The following GALNT10 variants were observed in gnomAD, a reference collection of about 807,000 sequenced individuals.
GALNT10 encodes polypeptide N-acetylgalactosaminyltransferase 10, also known as GalNAc transferase 10.
Under a neutral mutation model 75.0 loss-of-function variants are expected in GALNT10, and 41 were observed. The observed-to-expected ratio is 0.55, with a 90% CI of 0.43 to 0.71. The LOEUF (loss-of-function observed/expected upper bound fraction) is 0.71. GALNT10 is among the 30% of genes least tolerant of loss of function. The probability of loss-of-function intolerance (pLI) is 0.00; values close to 1 mark genes in which losing one functional copy is unlikely to be tolerated. For synonymous variants in GALNT10, 302 were observed against 313.0 expected, an observed-to-expected ratio of 0.96 and a Z score of 0.37; for missense variants, 727 against 818.5, an observed-to-expected ratio of 0.89 and a Z score of 1.36.
chr5:154,196,371 A>G lies in GALNT10; in HGVS notation c.159+5346A>G, dbSNP rs1047920943. Among the ~76,000 whole-genome samples the G allele has an allele frequency of 2.0e-5, 3 of 152,226 alleles. No homozygotes were observed. In the South Asian group the frequency reaches 6.2e-4, roughly 32 times the overall value. ...AGAACTTGAGCCTAAGAACCACCTCAGATTCTCTATCAGTTGCAAGTAACA... is the reference window on the plus strand; with the variant it reads ...AGAACTTGAGCCTAAGAACCACCTCGGATTCTCTATCAGTTGCAAGTAACA... On this transcript the variant is annotated intron_variant, in intron 1 of 11. Coordinates refer to ENST00000297107, the MANE Select transcript of GALNT10 (RefSeq NM_198321.4).
chr5:154,335,816 A>T (rs1259845529), intron 4 of GALNT10, among the ~76,000 whole-genome samples: 1 of 152,204 alleles, frequency 6.6e-6, no homozygotes, highest in African/African-American at 2.4e-5. Flanking sequence ...CTGAACCCAC[A>T]TCAATACATC....
intron 3 of GALNT10, among the ~76,000 whole-genome samples, chr5:154,310,182 T>A (rs1754492131): frequency 6.6e-6 from 1 of 152,182 alleles, no homozygotes; most frequent in South Asian, 2.1e-4. Context: ...TATTTAGTAC[T>A]TATTAGCAGT....
chr5:154,296,021 G>C (rs1754266697), intron 2 of GALNT10, among the ~76,000 whole-genome samples: 1 of 152,162 alleles, frequency 6.6e-6, no homozygotes, highest in South Asian at 2.1e-4. Context: ...CTGATGATAA[G>C]AGAAATCTGG....
intron 2 of GALNT10, among the ~76,000 whole-genome samples, chr5:154,295,513 G>A (rs1421829332): frequency 6.6e-6 from 1 of 152,192 alleles, no homozygotes; most frequent in Non-Finnish European, 1.5e-5. Flanking sequence ...TAACACTGCA[G>A]CCATGAGACT....
At chr5:154,359,536 TAAAAAAAA>T (rs5872375) in intron 4 of GALNT10, among the ~76,000 whole-genome samples, 4 of 136,904 alleles carry the variant, frequency 2.9e-5, no homozygotes, top group African/African-American at 1.1e-4. Context: ...TTTCTTTCTT[TAAAAAAAA>T]AAAAAAAAGA....
intron 1 of GALNT10, among the ~76,000 whole-genome samples, chr5:154,239,554 C>T (rs1753299767): frequency 6.6e-6 from 1 of 152,196 alleles, no homozygotes; most frequent in African/African-American, 2.4e-5. Context: ...ATGCACTCCC[C>T]TCACCCCCCG....
At chr5:154,288,321 A>T (rs1210345528) in intron 1 of GALNT10, among the ~76,000 whole-genome samples, 1 of 152,082 alleles carries the variant, frequency 6.6e-6, no homozygotes, top group Non-Finnish European at 1.5e-5. Flanking sequence ...AGCAGAATGT[A>T]GTTGGCTTGC....
At chr5:154,371,537 AGTGTGTGTGTGTGTGTGT>A (rs757305979) in intron 4 of GALNT10, among the ~76,000 whole-genome samples, 2 of 70,858 alleles carry the variant, frequency 2.8e-5, no homozygotes, top group Non-Finnish European at 8.1e-5. Context: ...GACACACCAC[AGTGTGTGTGTGTGTGTGT>A]GTGTGTGTAC....
At chr5:154,266,648 G>C (rs1753778679) in intron 1 of GALNT10, among the ~76,000 whole-genome samples, 1 of 149,882 alleles carries the variant, frequency 6.7e-6, no homozygotes, top group Non-Finnish European at 1.5e-5. Context: ...GCTGAGGTGA[G>C]AGGATCCCTT....
chr5:154,251,115 G>A (rs950237752), intron 1 of GALNT10, among the ~76,000 whole-genome samples: 2 of 152,018 alleles, frequency 1.3e-5, no homozygotes, highest in Non-Finnish European at 2.9e-5. Flanking sequence ...ATTGTTATAA[G>A]GTGAACCCCT....
chr5:154,198,673 C>G (rs1232740943), intron 1 of GALNT10, among the ~76,000 whole-genome samples: 1 of 152,176 alleles, frequency 6.6e-6, no homozygotes, highest in Non-Finnish European at 1.5e-5. Flanking sequence ...CAACTCCCAC[C>G]CTGGGACAAC....
intron 1 of GALNT10, among the ~76,000 whole-genome samples, chr5:154,247,278 G>A (rs1360593939): frequency 1.3e-5 from 2 of 152,190 alleles, no homozygotes; most frequent in African/African-American, 4.8e-5. Flanking sequence ...GCTTAGGATT[G>A]ACTTGGCAAT....
chr5:154,369,781 A>G (rs947818925), intron 4 of GALNT10, among the ~76,000 whole-genome samples: 1 of 152,194 alleles, frequency 6.6e-6, no homozygotes, highest in Non-Finnish European at 1.5e-5. Context: ...GGTTAGCAGC[A>G]CCCCAGCAGC....
At chr5:154,193,381 G>A (rs1438550437) in intron 1 of GALNT10, among the ~76,000 whole-genome samples, 7 of 152,192 alleles carry the variant, frequency 4.6e-5, no homozygotes, top group East Asian at 1.9e-4. Context: ...CCCCCAGTCC[G>A]TTGTTTGAAT....
chr5:154,356,792 TA>T (rs929898463), intron 4 of GALNT10, among the ~76,000 whole-genome samples: 16 of 152,168 alleles, frequency 1.1e-4, no homozygotes, highest in African/African-American at 3.4e-4. Context: ...TGGGCCCAGA[TA>T]AAGAGGGCTA....
intron 1 of GALNT10, among the ~76,000 whole-genome samples, chr5:154,195,347 G>A (rs1389204296): frequency 1.3e-5 from 2 of 152,208 alleles, no homozygotes; most frequent in Admixed American, 1.3e-4. Context: ...GTAAGGGAAG[G>A]CCTTGAATAA....
chr5:154,278,860 T>C (rs541323721), intron 1 of GALNT10, among the ~76,000 whole-genome samples: 1 of 152,354 alleles, frequency 6.6e-6, no homozygotes, highest in Non-Finnish European at 1.5e-5. Flanking sequence ...ATCCATGTTG[T>C]AGTAGATATC....
At chr5:154,205,748 G>A (rs1208724512) in intron 1 of GALNT10, among the ~76,000 whole-genome samples, 3 of 152,176 alleles carry the variant, frequency 2.0e-5, no homozygotes, top group Admixed American at 2.0e-4. Context: ...GAGGGAAGAC[G>A]GCTGTGAAAA....
At chr5:154,235,643 T>G (rs1041646088) in intron 1 of GALNT10, among the ~76,000 whole-genome samples, 2 of 152,198 alleles carry the variant, frequency 1.3e-5, no homozygotes, top group African/African-American at 4.8e-5. Flanking sequence ...ACTCTTAATG[T>G]TGTGACCCTG....
Sources: gnomAD v4.1 joint callset for allele counts (sites outside exome capture counted in the v4.1 genomes callset) on GRCh38, gnomAD v4.1.1 for gene constraint, MANE v1.5 for transcripts, NCBI Gene and HGNC (gene_info 2026-07-23, HGNC 2026-07-21) for gene names.